Variants in IL1RAPL1 observed in about 807,000 individuals in gnomAD.
The protein encoded by IL1RAPL1 is interleukin-1 receptor accessory protein-like 1.
Under a neutral mutation model 48.4 loss-of-function variants are expected in IL1RAPL1, and 3 were observed. The observed-to-expected ratio is 0.06, with a 90% confidence interval of 0.03 to 0.16. The LOEUF (loss-of-function observed/expected upper bound fraction) is 0.16. Among genes scored for constraint, IL1RAPL1 ranks in the 10% least tolerant of loss-of-function variants. The pLI, the probability that IL1RAPL1 is intolerant of heterozygous loss-of-function variation, is 1.00. For synonymous variants in IL1RAPL1, 185 were observed against 187.7 expected (o/e 0.99, Z 0.12); for missense variants, 349 against 530.6 (o/e 0.66, Z 3.36).
intron 2 of IL1RAPL1, among the ~76,000 whole-genome samples, chrX:28,988,675 G>A (rs1925533357): frequency 8.9e-6 from 1 of 111,993 alleles, no homozygotes; most frequent in Non-Finnish European, 1.9e-5. Context: ...TAGTCACTCT[G>A]TATTTGAAGA....
intron 5 of IL1RAPL1, among the ~76,000 whole-genome samples, chrX:29,651,322 A>G (rs773066715): frequency 9.0e-6 from 1 of 111,463 alleles, no homozygotes; most frequent in South Asian, 3.7e-4. Flanking sequence ...ATGCACTTCT[A>G]TGTATATTGC....
intron 2 of IL1RAPL1, among the ~76,000 whole-genome samples, chrX:29,248,124 A>G (rs1931548740): frequency 8.9e-6 from 1 of 112,297 alleles, no homozygotes; most frequent in African/African-American, 3.2e-5. Flanking sequence ...ACAAACAAAT[A>G]GAAAGTATTG....
At position 29,071,863 on chromosome X, in the gene IL1RAPL1, G is replaced by C. The variant is rs73210020; in HGVS notation, c.83-211075G>C. Among the ~76,000 whole-genome samples, 3 of 111,626 alleles carry C rather than the reference G, an allele frequency of 2.7e-5. No homozygotes were observed. The Admixed American group carries it at 2.9e-4, about 11-fold the overall frequency. ...TAGTAGGCCTAAATAAATGTTTATC[G>C]AACTAAAGTATTGCACATACCCAGA... is the stretch of plus-strand genomic sequence containing the variant. On this transcript the variant is annotated intron_variant, in intron 2 of 10. Transcript: ENST00000378993.
intron 2 of IL1RAPL1, among the ~76,000 whole-genome samples, chrX:28,881,329 T>C (rs1922497304): frequency 1.8e-5 from 2 of 112,552 alleles, no homozygotes; most frequent in Admixed American, 1.9e-4. Flanking sequence ...TGCACATCAC[T>C]GGCAAGAGTA....
intron 5 of IL1RAPL1, among the ~76,000 whole-genome samples, chrX:29,611,833 G>T (rs1924103894): frequency 9.0e-6 from 1 of 110,649 alleles, no homozygotes; most frequent in Non-Finnish European, 1.9e-5. Flanking sequence ...AGCTCGAAAG[G>T]GTATGGACTG....
At chrX:29,909,685 A>G (rs763992473) in intron 6 of IL1RAPL1, among the ~76,000 whole-genome samples, 1 of 112,302 alleles carries the variant, frequency 8.9e-6, no homozygotes, top group East Asian at 2.8e-4. Flanking sequence ...ATAGATAAAA[A>G]TAATCAATAT....
chrX:29,620,454 T>C (rs1316899714), intron 5 of IL1RAPL1, among the ~76,000 whole-genome samples: 1 of 112,091 alleles, frequency 8.9e-6, no homozygotes, highest in Non-Finnish European at 1.9e-5. Flanking sequence ...TATTTGTGTA[T>C]CTAAACATAG....
At chrX:28,609,564 A>G (rs1278679948) in intron 1 of IL1RAPL1, among the ~76,000 whole-genome samples, 1 of 106,393 alleles carries the variant, frequency 9.4e-6, no homozygotes, top group Non-Finnish European at 1.9e-5. Flanking sequence ...ATCAGATTCA[A>G]CAGAGTTCTT....
At chrX:28,625,130 G>A (rs1007583175) in intron 1 of IL1RAPL1, among the ~76,000 whole-genome samples, 3 of 111,541 alleles carry the variant, frequency 2.7e-5, no homozygotes, top group Admixed American at 9.5e-5. Flanking sequence ...AAGACTTTTC[G>A]CTTCTCAATT....
intron 3 of IL1RAPL1, among the ~76,000 whole-genome samples, chrX:29,391,088 C>T (rs781386928): frequency 9.1e-5 from 10 of 109,735 alleles, no homozygotes; most frequent in Non-Finnish European, 1.9e-4. Context: ...GCTGGAGAAT[C>T]GCTTGAACCC....
intron 2 of IL1RAPL1, among the ~76,000 whole-genome samples, chrX:29,080,744 C>CTTT (rs759930481): frequency 1.8e-4 from 17 of 96,946 alleles, no homozygotes; most frequent in African/African-American, 6.1e-4. Context: ...CAAGCAAATA[C>CTTT]TTTTTTTTTT....
chrX:29,938,249 A>G (rs1223099136), intron 8 of IL1RAPL1, among the ~76,000 whole-genome samples: 1 of 112,373 alleles, frequency 8.9e-6, no homozygotes, highest in African/African-American at 3.2e-5. Flanking sequence ...CAAAATTAAA[A>G]AAGTATGTAG....
intron 5 of IL1RAPL1, among the ~76,000 whole-genome samples, chrX:29,647,555 G>A (rs1423187535): frequency 2.7e-5 from 3 of 111,053 alleles, no homozygotes; most frequent in East Asian, 5.6e-4. Context: ...ATTTTTTTGT[G>A]TGTGGTCGAA....
chrX:28,853,316 C>G (rs918630562), intron 2 of IL1RAPL1, among the ~76,000 whole-genome samples: 1 of 111,514 alleles, frequency 9.0e-6, no homozygotes, highest in African/African-American at 3.3e-5. Context: ...AATAAATATA[C>G]CTTTGAAAAC....
chrX:29,742,379 C>T (rs1928227676), intron 6 of IL1RAPL1, among the ~76,000 whole-genome samples: 1 of 110,034 alleles, frequency 9.1e-6, no homozygotes, highest in African/African-American at 3.3e-5. Context: ...TTAAGACTCA[C>T]AAAGAACATA....
intron 2 of IL1RAPL1, among the ~76,000 whole-genome samples, chrX:29,145,041 T>C (rs2147494287): frequency 9.0e-6 from 1 of 111,150 alleles, no homozygotes; most frequent in Non-Finnish European, 1.9e-5. Context: ...ATCTTATTTT[T>C]AAAGAGTGTA....
intron 2 of IL1RAPL1, among the ~76,000 whole-genome samples, chrX:28,814,639 C>G (rs1936839043): frequency 9.1e-6 from 1 of 110,339 alleles, no homozygotes; most frequent in Admixed American, 9.8e-5. Context: ...CTGACCATCT[C>G]TATTTTTTAA....
At chrX:28,781,672 G>T (rs1936425243) in intron 1 of IL1RAPL1, among the ~76,000 whole-genome samples, 2 of 110,964 alleles carry the variant, frequency 1.8e-5, no homozygotes, top group Non-Finnish European at 3.8e-5. Flanking sequence ...CTTAAAAGAA[G>T]ACAATTCTAC....
intron 2 of IL1RAPL1, among the ~76,000 whole-genome samples, chrX:28,818,620 C>T (rs111779934): frequency 0.014 from 1,561 of 110,339 alleles, 24 homozygotes; most frequent in African/African-American, 0.049. Flanking sequence ...TTTCTGAAGT[C>T]CTGGTTGAGG....
Sources: allele counts gnomAD v4.1 joint callset (sites outside exome capture counted in the v4.1 genomes callset), GRCh38; gene constraint gnomAD v4.1.1; transcripts MANE v1.5; gene names NCBI Gene and HGNC (gene_info 2026-07-23, HGNC 2026-07-21).